The following RBM19 variants were observed in gnomAD, a reference collection of about 807,000 sequenced individuals.
RBM19 encodes the protein RNA binding motif protein 19.
RBM19 carries 94 observed loss-of-function variants against 116.8 expected under a neutral mutation model. The ratio of observed to expected loss-of-function variants is 0.80; its 90% CI spans 0.68 to 0.95. The LOEUF is 0.95. Ranked by LOEUF, RBM19 falls within the 40% of genes least tolerant of loss-of-function variation. The pLI, the probability that RBM19 is intolerant of heterozygous loss-of-function variation, is 0.00. For missense variants in RBM19, 1,161 were observed against 1,220.7 expected (o/e 0.95, Z 0.73); for synonymous variants, 475 against 494.1 (o/e 0.96, Z 0.51).
chr12:113,839,859 C>G (rs981121305), intron 23 of RBM19, among the ~76,000 whole-genome samples: 1 of 152,208 alleles, frequency 6.6e-6, no homozygotes, highest in Admixed American at 6.5e-5. Context: ...AACACACAGC[C>G]AGAATGCAGA....
At chr12:113,926,094 G>A (rs974192755) in intron 17 of RBM19, among the ~76,000 whole-genome samples, 1 of 152,074 alleles carries the variant, frequency 6.6e-6, no homozygotes, top group African/African-American at 2.4e-5. Context: ...ACTAGGTAAG[G>A]GGACAGTCAC....
At chr12:113,849,919 G>T (rs1029952762) in intron 22 of RBM19, among the ~76,000 whole-genome samples, 7 of 152,178 alleles carry the variant, frequency 4.6e-5, no homozygotes, top group African/African-American at 1.7e-4. Flanking sequence ...GCAAATGGGT[G>T]GCACTTCTGG....
intron 11 of RBM19, among the ~76,000 whole-genome samples, chr12:113,946,717 C>T (rs1566035161): frequency 1.3e-5 from 2 of 152,270 alleles, no homozygotes; most frequent in South Asian, 2.1e-4. Context: ...TGTATAACCC[C>T]GCACCCGCAG....
chr12:113,896,590 G>C (rs1566002697), intron 21 of RBM19, among the ~76,000 whole-genome samples: 1 of 152,192 alleles, frequency 6.6e-6, no homozygotes, highest in East Asian at 1.9e-4. Flanking sequence ...CTGCAGGCAG[G>C]CTGGGTTTTT....
chr12:113,855,038 G>C (rs4767145), intron 22 of RBM19, among the ~76,000 whole-genome samples: 19,932 of 152,212 alleles, frequency 0.13, 1,294 homozygotes, highest in African/African-American at 0.14. Context: ...CAGTTTGGGG[G>C]TATGTGTGCT....
chr12:113,954,170 G>C (rs1871708449), intron 7 of RBM19, among the ~76,000 whole-genome samples: 1 of 152,130 alleles, frequency 6.6e-6, no homozygotes, highest in African/African-American at 2.4e-5. Flanking sequence ...GGTTTCCAAA[G>C]AGTTCCCAGT....
At chr12:113,930,479 T>C (rs942171872) in intron 16 of RBM19, among the ~76,000 whole-genome samples, 4 of 152,204 alleles carry the variant, frequency 2.6e-5, no homozygotes, top group African/African-American at 9.7e-5. Context: ...ATCCCTTCCC[T>C]GGCAGATCAG....
At position 113,858,891 on chromosome 12, in the gene RBM19, A is replaced by G. The variant is rs761781736; in HGVS notation, c.2564T>C (p.Phe855Ser). 4 of 1,614,040 alleles carry G rather than the reference A, an allele frequency of 2.5e-6. No homozygotes were observed. The highest frequency in any genetic ancestry group is 3.4e-6 in the Non-Finnish European group (4 of 1,180,022). ...CAGGCGGACCGTCTTCAACTCCCCA[A>G]AGGTGCTAGAAACAAAAGGCAAGAC... ...SREIRELFST[F>S]GELKTVRLPK... Residue 855 changes from phenylalanine to serine, a missense_variant, in exon 22 of 24, where the codon TTT becomes TCT. Physicochemically the swap from Phe to Ser is radical, Grantham distance 155 (BLOSUM62 -2). Coordinates refer to ENST00000261741, the MANE Select transcript of RBM19 (RefSeq NM_016196.4).
At chr12:113,872,487 C>G (rs1011144907) in intron 21 of RBM19, among the ~76,000 whole-genome samples, 12 of 137,260 alleles carry the variant, frequency 8.7e-5, no homozygotes, top group Non-Finnish European at 1.6e-4. Flanking sequence ...GGGAGCCCCT[C>G]TGCCCGGCCA....
chr12:113,939,805 C>T (rs2135905117), intron 15 of RBM19, among the ~76,000 whole-genome samples, 155 bp downstream of exon 15: 1 of 152,174 alleles, frequency 6.6e-6, no homozygotes, highest in South Asian at 2.1e-4. Context: ...GGTTTTCAGG[C>T]GGCAGGGATG....
intron 21 of RBM19, among the ~76,000 whole-genome samples, chr12:113,892,827 T>C (rs1881049578): frequency 6.6e-6 from 1 of 152,110 alleles, no homozygotes; most frequent in Non-Finnish European, 1.5e-5. Context: ...TGAAGAAATA[T>C]TTTTTCTTCT....
chr12:113,962,074 G>T (rs1269366593), intron 2 of RBM19, among the ~76,000 whole-genome samples, 158 bp downstream of exon 2: 1 of 152,252 alleles, frequency 6.6e-6, no homozygotes, highest in Non-Finnish European at 1.5e-5. Flanking sequence ...AAGCTCTCAG[G>T]TGATTTGTAT....
At chr12:113,921,338 T>C (rs1868540171) in intron 18 of RBM19, among the ~76,000 whole-genome samples, 1 of 152,142 alleles carries the variant, frequency 6.6e-6, no homozygotes, top group African/African-American at 2.4e-5. Context: ...CTAAAAAACA[T>C]TAAGATCCCT....
chr12:113,937,577 C>T (rs191481830), intron 15 of RBM19, among the ~76,000 whole-genome samples: 313 of 152,126 alleles, frequency 2.1e-3, no homozygotes, highest in Non-Finnish European at 3.3e-3. Flanking sequence ...CACCTGTATA[C>T]GTGTGCATAT....
intron 21 of RBM19, among the ~76,000 whole-genome samples, chr12:113,886,199 C>A (rs1388950013): frequency 1.3e-5 from 2 of 152,130 alleles, no homozygotes; most frequent in East Asian, 1.9e-4. Context: ...GTGGCGTAAC[C>A]ACAGCTCACT....
chr12:113,853,066 A>G (rs1433393024), intron 22 of RBM19, among the ~76,000 whole-genome samples: 1 of 152,202 alleles, frequency 6.6e-6, no homozygotes, highest in Non-Finnish European at 1.5e-5. Context: ...AGAATCTGCC[A>G]GGTGAAGACA....
At chr12:113,937,755 TAAAAA>T (rs35507198) in intron 15 of RBM19, among the ~76,000 whole-genome samples, 28 of 118,820 alleles carry the variant, frequency 2.4e-4, no homozygotes, top group African/African-American at 7.8e-4. Context: ...TCCTGCCTCT[TAAAAA>T]AAAAAAAAAA....
intron 21 of RBM19, among the ~76,000 whole-genome samples, chr12:113,869,697 A>G (rs942586075): frequency 1.3e-5 from 2 of 152,200 alleles, no homozygotes; most frequent in Admixed American, 1.3e-4. Context: ...ATGTGAAAAG[A>G]GGAAGGACAA....
chr12:113,959,859 A>G lies in RBM19; in HGVS notation c.378+6T>C. ...CTCTCCTCCTTGGGCAACAGGACAG[A>G]CTCACCTTCTCCAGTTGACCTGCCA... On this transcript the variant is annotated splice_donor_region_variant and intron_variant, in intron 4 of 23. Transcript: ENST00000261741. 6.2e-7 allele frequency: 1 copy of G among 1,613,930 alleles called. No individual in the cohort carries two copies. The highest frequency in any genetic ancestry group is 8.5e-7 in the Non-Finnish European group (1 of 1,179,954).
Sources: allele counts gnomAD v4.1 joint callset (sites outside exome capture counted in the v4.1 genomes callset), GRCh38; gene constraint gnomAD v4.1.1; transcripts MANE v1.5; gene names NCBI Gene and HGNC (gene_info 2026-07-23, HGNC 2026-07-21).